Variants in KIF13B observed in about 807,000 individuals in gnomAD.
KIF13B encodes the protein kinesin-like protein KIF13B.
KIF13B carries 127 observed loss-of-function variants against 222.0 expected under a neutral mutation model. The ratio of observed to expected loss-of-function variants is 0.57; its 90% CI spans 0.50 to 0.66. KIF13B has a LOEUF of 0.66. Among genes scored for constraint, KIF13B ranks in the 30% least tolerant of loss-of-function variants. The pLI, the probability that KIF13B is intolerant of heterozygous loss-of-function variation, is 0.00. For synonymous variants in KIF13B, 976 were observed against 919.0 expected, an observed-to-expected ratio of 1.06 and a Z score of -1.12; for missense variants, 2,173 against 2,379.0, an observed-to-expected ratio of 0.91 and a Z score of 1.80.
At chr8:29,173,638 T>C (rs1486027923) in intron 10 of KIF13B, among the ~76,000 whole-genome samples, 1 of 151,394 alleles carries the variant, frequency 6.6e-6, no homozygotes, top group Non-Finnish European at 1.5e-5. Context: ...AAAAGACTTC[T>C]TCTATTAAAA....
intron 7 of KIF13B, among the ~76,000 whole-genome samples, chr8:29,180,690 C>G (rs1812675436): frequency 6.6e-6 from 1 of 152,202 alleles, no homozygotes. Flanking sequence ...ACTATCTTAG[C>G]AGACCTGGTT....
In KIF13B at chr8:29,123,500, A is replaced by G; in HGVS notation, c.3353-8T>C. 1.2e-6 allele frequency: 2 copies of G among 1,613,718 alleles called. No homozygotes were observed. The highest frequency in any genetic ancestry group is 1.7e-6 in the Non-Finnish European group (2 of 1,179,788). On this transcript the variant is annotated splice_polypyrimidine_tract_variant and splice_region_variant and intron_variant, in intron 27 of 39. Coordinates refer to ENST00000524189, the MANE Select transcript of KIF13B (RefSeq NM_015254.4). ...CATCATCCTCTGTTTTATCTAGAAC[A>G]TCGAGAATGAGGATTCAATGACAAA...
At chr8:29,260,638 CAG>C (rs1258582475) in intron 1 of KIF13B, among the ~76,000 whole-genome samples, 1 of 149,378 alleles carries the variant, frequency 6.7e-6, no homozygotes, top group African/African-American at 2.5e-5. Flanking sequence ...TTTTTTGAGA[CAG>C]AGTTTCACTC....
intron 2 of KIF13B, among the ~76,000 whole-genome samples, chr8:29,199,954 TATG>T (rs1026554392): frequency 5.3e-5 from 8 of 152,182 alleles, no homozygotes; most frequent in African/African-American, 1.9e-4. Context: ...ATATATTTAG[TATG>T]ATATTTCAAG....
At chr8:29,084,426 A>G (rs1807951017) in intron 37 of KIF13B, among the ~76,000 whole-genome samples, 1 of 152,228 alleles carries the variant, frequency 6.6e-6, no homozygotes, top group African/African-American at 2.4e-5. Context: ...CACCTTTTCA[A>G]TTAGCATCAG....
At chr8:29,202,961 T>C (rs1813765759) in intron 2 of KIF13B, among the ~76,000 whole-genome samples, 1 of 152,038 alleles carries the variant, frequency 6.6e-6, no homozygotes. Context: ...ACACTTTATC[T>C]CCCTCAAGCA....
intron 6 of KIF13B, among the ~76,000 whole-genome samples, chr8:29,185,415 C>T (rs1812883810): frequency 6.6e-6 from 1 of 152,200 alleles, no homozygotes; most frequent in African/African-American, 2.4e-5. Context: ...TCATTCTGTC[C>T]ACACTGTGAG....
intron 2 of KIF13B, among the ~76,000 whole-genome samples, chr8:29,231,357 C>T (rs987200118): frequency 1.3e-5 from 2 of 152,338 alleles, no homozygotes; most frequent in East Asian, 3.9e-4. Flanking sequence ...AAATGACTAA[C>T]ACGAAATCAT....
At chr8:29,239,748 C>T (rs189026735) in intron 2 of KIF13B, among the ~76,000 whole-genome samples, 7 of 152,310 alleles carry the variant, frequency 4.6e-5, no homozygotes, top group East Asian at 1.9e-4. Context: ...CTGCAACCTC[C>T]GCCTTCCAGG....
chr8:29,140,553 A>C lies in KIF13B; in HGVS notation c.2399T>G (p.Ile800Ser). The stretch of plus-strand genomic sequence containing the variant: ...CTCGAGGAAGACATTGGCCACCCCA[A>C]TGAGACTGTGATTTTCCTGCTCATC... ...FYDEQENHSL[I>S]GVANVFLESL... Residue 800 changes from isoleucine to serine, a missense_variant, in exon 20 of 40, where the codon ATT (isoleucine) becomes AGT (serine). Physicochemically the swap from Ile to Ser is moderately radical, Grantham distance 142 (BLOSUM62 -2). This residue lies in a region of KIF13B where 1,480 missense variants were observed against 1,722.8 expected (regional missense o/e 0.86). Transcript: ENST00000524189. The C allele has an allele frequency of 1.2e-6, 2 of 1,613,856 alleles. No individual in the cohort carries two copies. The highest frequency in any genetic ancestry group is 1.7e-6 in the Non-Finnish European group (2 of 1,179,756).
In KIF13B at chr8:29,152,449, T is replaced by C. The variant is rs545007354; in HGVS notation, c.1536-2066A>G. On this transcript the variant is annotated intron_variant, in intron 14 of 39. Transcript: ENST00000524189. ...AGTCAATCAATGTGGCAAATTTCACTGTTGTCACATTTTAAGAAATTGCCA... is the reference window on the plus strand; with the variant it reads ...AGTCAATCAATGTGGCAAATTTCACCGTTGTCACATTTTAAGAAATTGCCA... Among the ~76,000 whole-genome samples, 73 of 152,270 alleles carry C rather than the reference T, an allele frequency of 4.8e-4. 1 individual carries two copies. Among genetic ancestry groups the C allele is most frequent in the African/African-American group, 1.7e-3 (70 of 41,544 alleles).
In KIF13B at chr8:29,123,409, C is replaced by G; in HGVS notation, c.3436G>C (p.Val1146Leu). The G allele has an allele frequency of 1.2e-6, 2 of 1,614,054 alleles. No individual in the cohort carries two copies. The highest frequency in any genetic ancestry group is 1.7e-6 in the Non-Finnish European group (2 of 1,179,900). ...TLTEERNAVM[V>L]PSAGSGIPGA... Reference sequence around the variant, plus strand: ...GGAATACCACTGCCAGCAGAGGGGACCATCACCGCGTTCCTCTCCTCAGTT... The same window carrying G: ...GGAATACCACTGCCAGCAGAGGGGAGCATCACCGCGTTCCTCTCCTCAGTT... The change falls in exon 28 of 40, where the codon GTC becomes CTC. Residue 1146 changes from valine to leucine, a missense_variant. Physicochemically the swap from Val to Leu is conservative, Grantham distance 32. Around this residue, in one of 2 missense-constraint regions of KIF13B, gnomAD observed 1,480 missense variants for 1,722.8 expected, o/e 0.86. Transcript: ENST00000524189.
At chr8:29,078,861 T>C (rs1008076122) in intron 37 of KIF13B, among the ~76,000 whole-genome samples, 4 of 152,220 alleles carry the variant, frequency 2.6e-5, no homozygotes, top group Admixed American at 2.6e-4. Context: ...TACTGAGCGT[T>C]GCTGAAACTG....
chr8:29,128,214 A>G (rs1810201592), intron 24 of KIF13B, among the ~76,000 whole-genome samples: 1 of 151,694 alleles, frequency 6.6e-6, no homozygotes, highest in African/African-American at 2.4e-5. Context: ...GAGACTTGGT[A>G]TATATTTACA....
chr8:29,261,810 A>T (rs1816690118), intron 1 of KIF13B, among the ~76,000 whole-genome samples: 1 of 152,110 alleles, frequency 6.6e-6, no homozygotes, highest in South Asian at 2.1e-4. Flanking sequence ...AGATGAGATA[A>T]CTCCAAGCGA....
Position 29,072,111 on chromosome 8 carries a change from G to A in KIF13B, c.4727C>T (p.Ala1576Val), listed in dbSNP as rs766290711. ...SGYFSHSVST[A>V]TLSDALGPGL... ...GGGGCCCAGGGCGTCCGACAGGGTC[G>A]CGGTGGAGACGCTGTGGGAGAAGTA... The change falls in exon 39 of 40, where the codon GCG (alanine) becomes GTG (valine). Residue 1576 changes from alanine to valine, a missense_variant. Transcript: ENST00000524189. 3 of 1,363,230 alleles carry A rather than the reference G, an allele frequency of 2.2e-6. No homozygotes were observed. Among genetic ancestry groups the A allele is most frequent in the Non-Finnish European group, 2.8e-6 (3 of 1,055,322 alleles). The allele number at this position is 1,363,230 out of a possible 1,614,324, so 84.4% of individuals were successfully genotyped here. A position where few individuals can be genotyped will look rare whatever the true frequency, so the allele number is the denominator to read the frequency against.
At chr8:29,124,538 G>C (rs182349933) in intron 26 of KIF13B, among the ~76,000 whole-genome samples, 1 of 151,894 alleles carries the variant, frequency 6.6e-6, no homozygotes, top group African/African-American at 2.4e-5. Context: ...ACTTGAGGAC[G>C]GGAGTTTGAG....
At chr8:29,173,908 A>G (rs903918697) in intron 10 of KIF13B, among the ~76,000 whole-genome samples, 1 of 146,472 alleles carries the variant, frequency 6.8e-6, no homozygotes, top group East Asian at 2.0e-4. Context: ...GCGCCACTAC[A>G]CTCCAGCCTG....
intron 13 of KIF13B, among the ~76,000 whole-genome samples, 192 bp from the exon 14 acceptor site, chr8:29,156,048 A>T (rs1262830895): frequency 6.6e-6 from 1 of 152,084 alleles, no homozygotes; most frequent in Non-Finnish European, 1.5e-5. Flanking sequence ...AGCTCACTGC[A>T]ACCTCCGCCT....
Sources: allele counts gnomAD v4.1 joint callset (sites outside exome capture counted in the v4.1 genomes callset), GRCh38; gene constraint gnomAD v4.1.1; regional missense constraint gnomAD v4.1.1; transcripts MANE v1.5; gene names NCBI Gene and HGNC (gene_info 2026-07-23, HGNC 2026-07-21).